The following SIPA1L3 variants were observed in gnomAD, a reference collection of about 807,000 sequenced individuals.
SIPA1L3 encodes signal induced proliferation associated 1 like 3, also known as signal-induced proliferation-associated 1-like protein 3.
A neutral mutation model predicts 150.1 loss-of-function variants in SIPA1L3; 59 were observed. The ratio of observed to expected loss-of-function variants is 0.39; its 90% confidence interval spans 0.32 to 0.49. SIPA1L3 has a LOEUF of 0.49. SIPA1L3 is among the 20% of genes least tolerant of loss of function. SIPA1L3 has a pLI of 0.86. For missense variants in SIPA1L3, 2,211 were observed against 2,489.5 expected (o/e 0.89, Z 2.38); for synonymous variants, 1,070 against 1,077.6 (o/e 0.99, Z 0.14).
At chr19:38,118,459 G>T (rs1970940203) in intron 8 of SIPA1L3, among the ~76,000 whole-genome samples, 1 of 152,120 alleles carries the variant, frequency 6.6e-6, no homozygotes, top group African/African-American at 2.4e-5. Flanking sequence ...ACAGGAATAA[G>T]TGAACAGTCC....
At chr19:38,077,758 C>T (rs1969879240) in intron 2 of SIPA1L3, among the ~76,000 whole-genome samples, 2 of 147,078 alleles carry the variant, frequency 1.4e-5, no homozygotes, top group South Asian at 4.4e-4. Flanking sequence ...GCATCCTCCA[C>T]CTCCCAGGTT....
intron 1 of SIPA1L3, among the ~76,000 whole-genome samples, chr19:38,008,217 CTTTTTT>C (rs35422339): frequency 2.6e-4 from 13 of 50,092 alleles, no homozygotes; most frequent in African/African-American, 8.3e-4. Flanking sequence ...CCATAGGCTG[CTTTTTT>C]TTTTTTTTTT....
intron 4 of SIPA1L3, among the ~76,000 whole-genome samples, chr19:38,098,392 A>ATT (rs71179411): frequency 0.015 from 1,686 of 113,646 alleles, 61 homozygotes; most frequent in African/African-American, 0.053. Context: ...AGGGGCTTTC[A>ATT]TTTTTTTTTT....
intron 1 of SIPA1L3, among the ~76,000 whole-genome samples, chr19:37,990,252 G>A (rs927802246): frequency 2.6e-5 from 4 of 152,184 alleles, no homozygotes; most frequent in South Asian, 4.1e-4. Flanking sequence ...TGGGGGTAGG[G>A]ACAGAGGCAT....
chr19:38,118,435 T>G (rs576856027), intron 8 of SIPA1L3, among the ~76,000 whole-genome samples: 1 of 152,170 alleles, frequency 6.6e-6, no homozygotes, highest in Non-Finnish European at 1.5e-5. Flanking sequence ...TGCCACACGG[T>G]CTATGTATTT....
intron 3 of SIPA1L3, 131 bp downstream of exon 3, chr19:38,083,230 C>T (rs1161459827): frequency 5.2e-6 from 5 of 967,778 alleles, no homozygotes. Context: ...AGAGACCTCC[C>T]TTCTGGAGGG....
intron 19 of SIPA1L3, among the ~76,000 whole-genome samples, chr19:38,199,011 C>T (rs12975451): frequency 0.45 from 69,168 of 152,138 alleles, 18,710 homozygotes; most frequent in East Asian, 0.69. Context: ...GGGTTTTCAG[C>T]GCCAGATCTG....
intron 2 of SIPA1L3, among the ~76,000 whole-genome samples, chr19:38,076,829 T>C (rs1290835413): frequency 6.6e-6 from 1 of 152,216 alleles, no homozygotes; most frequent in Non-Finnish European, 1.5e-5. Context: ...CATGAAGCTG[T>C]CACTGCCTGT....
chr19:38,058,198 T>C (rs1486289602), intron 2 of SIPA1L3, among the ~76,000 whole-genome samples: 2 of 152,054 alleles, frequency 1.3e-5, no homozygotes, highest in Non-Finnish European at 2.9e-5. Flanking sequence ...TTGATTATGG[T>C]GTTGAGCAAA....
chr19:38,016,589 G>C (rs1012987331), intron 1 of SIPA1L3, among the ~76,000 whole-genome samples: 1 of 152,112 alleles, frequency 6.6e-6, no homozygotes, highest in African/African-American at 2.4e-5. Flanking sequence ...GCCTCCCAGA[G>C]TCAAGCAATT....
intron 1 of SIPA1L3, among the ~76,000 whole-genome samples, chr19:38,001,364 A>G (rs67017728): frequency 0.3 from 45,039 of 151,992 alleles, 7,599 homozygotes; most frequent in East Asian, 0.71. Context: ...TTCTCTTGAG[A>G]TGAAAGAACT....
intron 1 of SIPA1L3, among the ~76,000 whole-genome samples, chr19:37,986,830 A>G (rs1016107228): frequency 6.6e-6 from 1 of 152,164 alleles, no homozygotes; most frequent in African/African-American, 2.4e-5. Context: ...ATTCAGGGGC[A>G]TTCACAATCA....
chr19:38,202,010 T>G lies in SIPA1L3; in HGVS notation c.5120+13T>G. 6.2e-7 allele frequency: 1 copy of G among 1,600,994 alleles called. No homozygotes were observed. The highest frequency in any genetic ancestry group is 1.3e-5 in the African/African-American group (1 of 74,546). On this transcript the variant is annotated intron_variant, in intron 20 of 21. Transcript: ENST00000222345. The stretch of plus-strand genomic sequence containing the variant: ...CCCCTACCATGAGGTGAGGTTTCCC[T>G]GGGAACACCCGGGTTCATACCAGCG...
At chr19:37,978,889 C>G (rs1292017516) in intron 1 of SIPA1L3, among the ~76,000 whole-genome samples, 3 of 151,970 alleles carry the variant, frequency 2.0e-5, no homozygotes, top group Non-Finnish European at 4.4e-5. Context: ...GTGGGAGGAT[C>G]TGCTTGAGTC....
At chr19:38,000,253 G>A (rs1024143506) in intron 1 of SIPA1L3, among the ~76,000 whole-genome samples, 5 of 151,982 alleles carry the variant, frequency 3.3e-5, no homozygotes, top group Non-Finnish European at 5.9e-5. Context: ...GATCACCTGA[G>A]GTCAGGAGTT....
At chr19:38,012,519 A>G (rs833920) in intron 1 of SIPA1L3, among the ~76,000 whole-genome samples, 118,754 of 152,030 alleles carry the variant, frequency 0.78, 46,755 homozygotes, top group East Asian at 0.97. Context: ...GAGGGGCAGA[A>G]CTGTCTCCTG....
chr19:38,022,744 A>G (rs1440889011), intron 1 of SIPA1L3, among the ~76,000 whole-genome samples: 1 of 152,164 alleles, frequency 6.6e-6, no homozygotes, highest in Non-Finnish European at 1.5e-5. Flanking sequence ...AAAAAACAAA[A>G]CACAACAGAA....
intron 1 of SIPA1L3, among the ~76,000 whole-genome samples, chr19:37,976,502 C>T (rs1431723748): frequency 6.6e-6 from 1 of 152,160 alleles, no homozygotes; most frequent in South Asian, 2.1e-4. Flanking sequence ...CAGAAATCAA[C>T]TCAGGCACCC....
intron 1 of SIPA1L3, among the ~76,000 whole-genome samples, chr19:38,004,457 G>A (rs543366091): frequency 4.6e-4 from 70 of 152,308 alleles, no homozygotes; most frequent in African/African-American, 1.4e-3. Flanking sequence ...TGGTCCAGGA[G>A]CCTGGGGCTA....
Sources: allele counts gnomAD v4.1 joint callset (sites outside exome capture counted in the v4.1 genomes callset), GRCh38; gene constraint gnomAD v4.1.1; transcripts MANE v1.5; gene names NCBI Gene and HGNC (gene_info 2026-07-23, HGNC 2026-07-21).